The following PIK3C2G variants were observed in gnomAD, a reference collection of about 807,000 sequenced individuals.
The protein encoded by PIK3C2G is phosphatidylinositol-4-phosphate 3-kinase catalytic subunit type 2 gamma.
PIK3C2G carries 168 observed loss-of-function variants against 181.1 expected under a neutral mutation model. The ratio of observed to expected loss-of-function variants is 0.93; its 90% confidence interval spans 0.82 to 1.05. PIK3C2G has a LOEUF of 1.05. Among genes scored for constraint, PIK3C2G ranks in the 50% least tolerant of loss-of-function variants. The pLI, the probability that PIK3C2G is intolerant of heterozygous loss-of-function variation, is 0.00. For synonymous variants in PIK3C2G, 573 were observed against 592.2 expected (o/e 0.97, Z 0.47); for missense variants, 1,869 against 1,732.8 (o/e 1.08, Z -1.40).
chr12:18,394,759 C>T, intron 15 of PIK3C2G, among the ~76,000 whole-genome samples: 1 of 151,532 alleles, frequency 6.6e-6, no homozygotes, highest in Non-Finnish European at 1.5e-5. Flanking sequence ...TGTTGAGGTA[C>T]AAAAAGAAAA....
At position 18,347,736 on chromosome 12, in the gene PIK3C2G, A is replaced by G. The variant is rs539032557; in HGVS notation, c.1625+900A>G. On this transcript the variant is annotated intron_variant, in intron 11 of 32. Transcript: ENST00000538779. The stretch of plus-strand genomic sequence containing the variant: ...TGAGGCAGTAGAATCGCTTGAAACC[A>G]GGAAGCAGAGGTTGCAGTGTGCAGT... 4.7e-3 allele frequency among the ~76,000 whole-genome samples: 714 copies of G among 152,136 alleles called. 4 individuals are homozygous for G. The highest frequency in any genetic ancestry group is 0.017 in the African/African-American group (686 of 41,518).
At position 18,384,338 on chromosome 12, in the gene PIK3C2G, T is replaced by C. The variant is rs780134514; in HGVS notation, c.1995+2458T>C. Among the ~76,000 whole-genome samples the C allele has an allele frequency of 6.6e-5, 10 of 152,154 alleles. 1 individual carries two copies. The highest frequency in any genetic ancestry group is 2.2e-4 in the African/African-American group (9 of 41,428). ...TTTAAGAATGAACACAGAGAAAAGATAGACAGTCTTCAACAGAGTAATATG... is the reference window on the plus strand; with the variant it reads ...TTTAAGAATGAACACAGAGAAAAGACAGACAGTCTTCAACAGAGTAATATG... On this transcript the variant is annotated intron_variant, in intron 14 of 32. Coordinates refer to ENST00000538779, the MANE Select transcript of PIK3C2G (RefSeq NM_001288772.2).
In PIK3C2G at chr12:18,262,283, A is replaced by G. The variant is rs542829546; in HGVS notation, c.-79+706A>G. On this transcript the variant is annotated intron_variant, in intron 1 of 32. Transcript: ENST00000538779. ...TTAGGATTAAAGTTAGAGATAAGAT[A>G]TACCCCATTCTTTCAAACTAATCAT... Among the ~76,000 whole-genome samples, 5 of 152,144 alleles carry G rather than the reference A, an allele frequency of 3.3e-5. No homozygotes were observed. In the East Asian group the frequency reaches 9.7e-4, roughly 29 times the overall value.
At chr12:18,516,643 T>C (rs1942567417) in intron 24 of PIK3C2G, among the ~76,000 whole-genome samples, 1 of 152,056 alleles carries the variant, frequency 6.6e-6, no homozygotes, top group Non-Finnish European at 1.5e-5. Flanking sequence ...ATAATTCCCA[T>C]AGGTCTTTTT....
At chr12:18,635,267 GA>G (rs1269527834) in intron 31 of PIK3C2G, among the ~76,000 whole-genome samples, 1 of 152,224 alleles carries the variant, frequency 6.6e-6, no homozygotes, top group Admixed American at 6.5e-5. Context: ...GCGCAGTCTG[GA>G]GGAAAGAAGT....
At chr12:18,591,178 C>T (rs1044017257) in intron 29 of PIK3C2G, among the ~76,000 whole-genome samples, 1 of 151,884 alleles carries the variant, frequency 6.6e-6, no homozygotes, top group Admixed American at 6.6e-5. Flanking sequence ...TTCTATTAAA[C>T]AAGTTCACAA....
At chr12:18,670,995 T>C in the PIK3C2G span, among the ~76,000 whole-genome samples, 6 of 151,972 alleles carry the variant, frequency 3.9e-5, no homozygotes, top group Non-Finnish European at 5.9e-5. Flanking sequence ...CTGGACAACA[T>C]GGTGAAACCC....
At chr12:18,279,767 T>A (rs1949133825) in intron 1 of PIK3C2G, among the ~76,000 whole-genome samples, 1 of 151,872 alleles carries the variant, frequency 6.6e-6, no homozygotes, top group Non-Finnish European at 1.5e-5. Flanking sequence ...GATATAGCTA[T>A]GTGACTCATG....
Position 18,290,870 on chromosome 12 carries a change from T to A in PIK3C2G, c.777T>A (p.Tyr259Ter). Reference sequence around the variant, plus strand: ...TGTTTTTCAGAATCAGAGAAAGATATCATGCAGCTGATGTTAATTTCAATT... The same window carrying A: ...TGTTTTTCAGAATCAGAGAAAGATAACATGCAGCTGATGTTAATTTCAATT... The part of the protein sequence containing the change: ...CNKVKKIRER[Y>*]HAADVNFNSG... Residue 259 changes from tyrosine to a stop codon, truncating the protein, a stop_gained, in exon 4 of 33, where the codon TAT (tyrosine) becomes TAA (stop). Coordinates refer to ENST00000538779, the MANE Select transcript of PIK3C2G (RefSeq NM_001288772.2). LOFTEE classifies it high-confidence loss of function. 6.2e-7 allele frequency: 1 copy of A among 1,601,740 alleles called. No homozygotes were observed. The highest frequency in any genetic ancestry group is 8.5e-7 in the Non-Finnish European group (1 of 1,169,626).
At chr12:18,513,198 T>G (rs1215142102) in intron 24 of PIK3C2G, among the ~76,000 whole-genome samples, 1 of 151,882 alleles carries the variant, frequency 6.6e-6, no homozygotes, top group Non-Finnish European at 1.5e-5. Context: ...AGCTTTCTAA[T>G]AATATTTTCT....
intron 16 of PIK3C2G, among the ~76,000 whole-genome samples, chr12:18,409,350 G>A (rs1176197552): frequency 6.6e-6 from 1 of 152,004 alleles, no homozygotes; most frequent in Non-Finnish European, 1.5e-5. Flanking sequence ...TGAATAATGA[G>A]AACACATGGA....
At chr12:18,281,883 A>G in intron 1 of PIK3C2G, 121 bp from the exon 2 acceptor site, 1 of 543,222 alleles carries the variant, frequency 1.8e-6, no homozygotes, top group Non-Finnish European at 3.3e-6. Context: ...TTAAGGAATT[A>G]TTTCACTTGC....
chr12:18,370,704 C>T (rs1941989051), intron 12 of PIK3C2G, among the ~76,000 whole-genome samples: 1 of 152,284 alleles, frequency 6.6e-6, no homozygotes, highest in Non-Finnish European at 1.5e-5. Flanking sequence ...ATGAACCATT[C>T]ACCATTTATC....
At chr12:18,447,152 G>A (rs987002289) in intron 18 of PIK3C2G, among the ~76,000 whole-genome samples, 44 of 152,080 alleles carry the variant, frequency 2.9e-4, no homozygotes, top group African/African-American at 1.1e-3. Flanking sequence ...TATTTGGTTC[G>A]TGTGTTAGAT....
chr12:18,535,635 A>T (rs1306820639), intron 24 of PIK3C2G, among the ~76,000 whole-genome samples: 2 of 152,136 alleles, frequency 1.3e-5, no homozygotes, highest in Non-Finnish European at 2.9e-5. Flanking sequence ...AGGAAGTTGT[A>T]AAAAATTAAT....
chr12:18,295,911 T>A (rs1949920361), intron 5 of PIK3C2G, among the ~76,000 whole-genome samples: 1 of 152,040 alleles, frequency 6.6e-6, no homozygotes, highest in Non-Finnish European at 1.5e-5. Context: ...AAAAAATATG[T>A]CCTTAAAGAC....
intron 29 of PIK3C2G, among the ~76,000 whole-genome samples, chr12:18,577,091 G>A (rs1329243902): frequency 6.6e-6 from 1 of 152,146 alleles, no homozygotes; most frequent in Non-Finnish European, 1.5e-5. Flanking sequence ...GGTGAATATT[G>A]GAAGCAGCAG....
At chr12:18,399,174 G>A (rs1218446479) in intron 15 of PIK3C2G, among the ~76,000 whole-genome samples, 1 of 131,264 alleles carries the variant, frequency 7.6e-6, no homozygotes, top group Non-Finnish European at 1.6e-5. Context: ...CAGCCTGGGT[G>A]ACAGAGCGAG....
chr12:18,384,000 T>C (rs1267847370), intron 14 of PIK3C2G, among the ~76,000 whole-genome samples: 1 of 150,736 alleles, frequency 6.6e-6, no homozygotes, highest in Non-Finnish European at 1.5e-5. Context: ...TTTTTTTTTT[T>C]TGTAGAGATG....
Sources: gnomAD v4.1 joint callset for allele counts (sites outside exome capture counted in the v4.1 genomes callset) on GRCh38, gnomAD v4.1.1 for gene constraint, MANE v1.5 for transcripts, NCBI Gene and HGNC (gene_info 2026-07-23, HGNC 2026-07-21) for gene names.